Variants in SUSD4 observed in about 807,000 individuals in gnomAD.
SUSD4 encodes the protein sushi domain-containing protein 4.
Under a neutral mutation model 50.5 loss-of-function variants are expected in SUSD4, and 41 were observed. That is an observed-to-expected ratio of 0.81 (90% CI 0.63 to 1.05). SUSD4 has a LOEUF of 1.05. Ranked by LOEUF, SUSD4 falls within the 50% of genes least tolerant of loss-of-function variation. The pLI is 0.00. For missense variants in SUSD4, 580 were observed against 634.7 expected (o/e 0.91, Z 0.93); for synonymous variants, 257 against 257.3 (o/e 1.00, Z 0.01).
intron 5 of SUSD4, among the ~76,000 whole-genome samples, chr1:223,262,233 GACTTCCACAGC>G (rs1455288430): frequency 6.6e-6 from 1 of 152,156 alleles, no homozygotes; most frequent in East Asian, 1.9e-4. Flanking sequence ...CAAAGAGAAA[GACTTCCACAGC>G]AGAACTGTCC....
At chr1:223,346,848 C>T (rs375420102) in intron 2 of SUSD4, among the ~76,000 whole-genome samples, 1 of 152,206 alleles carries the variant, frequency 6.6e-6, no homozygotes, top group Non-Finnish European at 1.5e-5. Flanking sequence ...GTCTCCAAAA[C>T]ATGCCCTTGG....
chr1:223,334,508 G>A (rs1490761680), intron 2 of SUSD4, among the ~76,000 whole-genome samples: 2 of 152,120 alleles, frequency 1.3e-5, no homozygotes, highest in South Asian at 2.1e-4. Flanking sequence ...TATAATAAAT[G>A]AAGAGACCCC....
rs1659167785 is a variant in SUSD4 at position 223,222,120 on chromosome 1, C to T, written c.*72G>A. The T allele has an allele frequency of 4.5e-6, 7 of 1,544,768 alleles. No homozygotes were observed. The East Asian group carries it at 1.6e-4, about 35-fold the overall frequency. ...CATTTTGCCCCCAGGCTCTATCCTTCTGTGACCTCACTCCAAGATACAAGG... is the reference window on the plus strand; with the variant it reads ...CATTTTGCCCCCAGGCTCTATCCTTTTGTGACCTCACTCCAAGATACAAGG... On this transcript the variant is annotated 3_prime_UTR_variant, in exon 9 of 9. Transcript: ENST00000366878.
intron 3 of SUSD4, among the ~76,000 whole-genome samples, chr1:223,278,229 G>C (rs558161685): frequency 2.0e-5 from 3 of 152,212 alleles, no homozygotes; most frequent in East Asian, 3.9e-4. Context: ...AGGACAGTGG[G>C]TGCAGCCCAC....
At chr1:223,329,192 G>A (rs1424194513) in intron 2 of SUSD4, among the ~76,000 whole-genome samples, 2 of 152,106 alleles carry the variant, frequency 1.3e-5, no homozygotes, top group Non-Finnish European at 1.5e-5. Flanking sequence ...AGAATGGGGG[G>A]CTTTGAAGTC....
chr1:223,223,669 T>C (rs746532867), intron 7 of SUSD4, 38 bp from the exon 8 acceptor site: 1 of 1,554,024 alleles, frequency 6.4e-7, no homozygotes, highest in Non-Finnish European at 8.7e-7. Context: ...GTGAGAGCCA[T>C]GCCACTCTGG....
intron 2 of SUSD4, among the ~76,000 whole-genome samples, chr1:223,339,011 G>A (rs1268787950): frequency 1.3e-5 from 2 of 152,174 alleles, no homozygotes; most frequent in Admixed American, 6.5e-5. Context: ...ATGGGAAGAG[G>A]CCAAGACAGA....
intron 2 of SUSD4, among the ~76,000 whole-genome samples, chr1:223,299,166 C>T (rs1321515884): frequency 1.3e-5 from 2 of 152,180 alleles, no homozygotes; most frequent in African/African-American, 2.4e-5. Flanking sequence ...AAGAGCTGTT[C>T]TGTTAGTGTG....
rs1659573076 is a variant in SUSD4, at chr1:223,227,172, G to GTTCACACACCTCTGACC, written c.1061+405_1061+421dup. Reference sequence around the variant, plus strand: ...AGGCTTCTCAATGCATAACACTTTTGTTCACACACCTCTGACCTGTGTCCC... The same window carrying GTTCACACACCTCTGACC: ...AGGCTTCTCAATGCATAACACTTTTGTTCACACACCTCTGACCTTCACACACCTCTGACCTGTGTCCC... On this transcript the variant is annotated intron_variant, in intron 7 of 8. Transcript: ENST00000366878. The surrounding 1 kb of genome is among the most constrained non-coding windows in gnomAD (Gnocchi z 4.5). Among the ~76,000 whole-genome samples the GTTCACACACCTCTGACC allele has an allele frequency of 6.6e-6, 1 of 152,116 alleles. No homozygotes were observed. Among genetic ancestry groups the GTTCACACACCTCTGACC allele is most frequent in the Non-Finnish European group, 1.5e-5 (1 of 68,028 alleles).
intron 3 of SUSD4, among the ~76,000 whole-genome samples, chr1:223,291,849 A>G (rs887834769): frequency 1.3e-5 from 2 of 152,248 alleles, no homozygotes; most frequent in African/African-American, 4.8e-5. Context: ...AAAAGTATAT[A>G]AAGTTGTTTC....
Position 223,223,168 on chromosome 1 carries a change from G to A in SUSD4, c.1444+81C>T, listed in dbSNP as rs112234178. 1.4e-3 allele frequency: 2,115 copies of A among 1,487,352 alleles called. 25 individuals carry two copies. The African/African-American group carries it at 0.026, about 18-fold the overall frequency. 92.1% of individuals were successfully genotyped at this position (1,487,352 alleles called of 1,614,324 possible). On this transcript the variant is annotated intron_variant, in intron 8 of 8. Transcript: ENST00000366878. ...TCGACTCTGTGCTGGGGGGTGGAGC[G>A]TGCGTAGCAAGGAGCTGGCTTGAAG...
rs1265502573 is a variant in SUSD4 at position 223,286,516 on chromosome 1, T to G, written c.361+5923A>C. On this transcript the variant is annotated intron_variant, in intron 3 of 8. Coordinates refer to ENST00000366878, the MANE Select transcript of SUSD4 (RefSeq NM_017982.4). Reference sequence around the variant, plus strand: ...ATCCACCTGCCTCAGTCTCCCAAAGTGCTGGGATTACAGGCATGAGCCACC... The same window carrying G: ...ATCCACCTGCCTCAGTCTCCCAAAGGGCTGGGATTACAGGCATGAGCCACC... Among the ~76,000 whole-genome samples the G allele has an allele frequency of 3.3e-5, 5 of 152,282 alleles. No individual in the cohort carries two copies. In the East Asian group the frequency reaches 9.7e-4, roughly 29 times the overall value.
At chr1:223,282,513 C>T (rs991347530) in intron 3 of SUSD4, among the ~76,000 whole-genome samples, 4 of 152,090 alleles carry the variant, frequency 2.6e-5, no homozygotes, top group Non-Finnish European at 5.9e-5. Context: ...AATAAAATAC[C>T]TAGGAATCCA....
At chr1:223,359,481 T>C (rs796706846) in intron 2 of SUSD4, among the ~76,000 whole-genome samples, 1 of 152,344 alleles carries the variant, frequency 6.6e-6, no homozygotes, top group African/African-American at 2.4e-5. Context: ...TCCAACCTCA[T>C]AGGCTACCAT....
At chr1:223,345,528 G>T (rs566571652) in intron 2 of SUSD4, among the ~76,000 whole-genome samples, 18 of 152,118 alleles carry the variant, frequency 1.2e-4, no homozygotes, top group Non-Finnish European at 2.4e-4. Flanking sequence ...CCCTCAGGGG[G>T]ATCCCTCACA....
intron 5 of SUSD4, among the ~76,000 whole-genome samples, chr1:223,261,333 AT>A: frequency 6.6e-6 from 1 of 152,348 alleles, no homozygotes; most frequent in South Asian, 2.1e-4. Flanking sequence ...TAATCAGAAC[AT>A]GTTAAATAGA....
chr1:223,347,895 G>A (rs1053719855), intron 2 of SUSD4, among the ~76,000 whole-genome samples: 7 of 151,950 alleles, frequency 4.6e-5, no homozygotes, highest in African/African-American at 1.7e-4. Context: ...CCATCTGAGA[G>A]AACATATTGG....
intron 2 of SUSD4, among the ~76,000 whole-genome samples, chr1:223,307,158 G>T (rs1280423950): frequency 1.3e-5 from 2 of 152,150 alleles, no homozygotes; most frequent in African/African-American, 4.8e-5. Flanking sequence ...ACCACATCCA[G>T]CCAGTCTCTT....
chr1:223,351,598 G>T (rs1389080640), intron 2 of SUSD4, among the ~76,000 whole-genome samples: 1 of 152,096 alleles, frequency 6.6e-6, no homozygotes, highest in Non-Finnish European at 1.5e-5. Flanking sequence ...ACAGAGGGGC[G>T]CCCAGATGCA....
Sources: allele counts gnomAD v4.1 joint callset (sites outside exome capture counted in the v4.1 genomes callset), GRCh38; gene constraint gnomAD v4.1.1; non-coding constraint Gnocchi (gnomAD v3.1); transcripts MANE v1.5; gene names NCBI Gene and HGNC (gene_info 2026-07-23, HGNC 2026-07-21).